FOXP2: variants seen among roughly 807,000 people sequenced by gnomAD.
FOXP2 encodes forkhead box P2.
In FOXP2, 12 loss-of-function variants were observed where a neutral mutation model predicts 115.8. The observed-to-expected ratio is 0.10, with a 90% CI of 0.07 to 0.17. FOXP2 has a LOEUF of 0.17. Among genes scored for constraint, FOXP2 ranks in the 10% least tolerant of loss-of-function variants. The pLI is 1.00. For missense variants in FOXP2, 629 were observed against 843.5 expected (o/e 0.75, Z 3.15); for synonymous variants, 328 against 297.7 (o/e 1.10, Z -1.05).
intron 2 of FOXP2, among the ~76,000 whole-genome samples, chr7:114,390,512 T>TTTTATTTATGTATTTATGTA (rs1562900167): frequency 7.5e-5 from 3 of 40,262 alleles, no homozygotes; most frequent in Non-Finnish European, 1.2e-4. Context: ...CATACTTTTG[T>TTTTATTTATGTATTTATGTA]TTTATTTATG....
chr7:114,103,702 C>T (rs1485519956), intron 1 of FOXP2, among the ~76,000 whole-genome samples: 3 of 151,938 alleles, frequency 2.0e-5, no homozygotes, highest in Non-Finnish European at 2.9e-5. Context: ...CTCTTTTTGA[C>T]AGGAGATTTG....
chr7:114,297,165 C>T (rs935267372), intron 2 of FOXP2: 6 of 489,614 alleles, frequency 1.2e-5, no homozygotes, highest in East Asian at 1.1e-4. Context: ...TTTCTCAGCT[C>T]CTCCTGCTTC....
At chr7:114,559,749 C>T (rs1302593426) in intron 3 of FOXP2, among the ~76,000 whole-genome samples, 1 of 151,996 alleles carries the variant, frequency 6.6e-6, no homozygotes, top group Non-Finnish European at 1.5e-5. Flanking sequence ...ATTAGCCAGG[C>T]GTGGTGGCCG....
intron 16 of FOXP2, among the ~76,000 whole-genome samples, chr7:114,688,208 T>TACACACAA (rs1808467988): frequency 3.5e-5 from 4 of 115,334 alleles, no homozygotes; most frequent in Admixed American, 9.5e-5. Flanking sequence ...CATACATGCA[T>TACACACAA]ACACACACAC....
intron 16 of FOXP2, among the ~76,000 whole-genome samples, chr7:114,687,490 G>T (rs77494194): frequency 6.6e-6 from 1 of 152,188 alleles, no homozygotes; most frequent in African/African-American, 2.4e-5. Flanking sequence ...TTAATATAGC[G>T]TAAAGTGACT....
At chr7:114,429,003 G>T (rs1253912786) in intron 2 of FOXP2, among the ~76,000 whole-genome samples, 1 of 151,500 alleles carries the variant, frequency 6.6e-6, no homozygotes, top group Non-Finnish European at 1.5e-5. Flanking sequence ...TATGATTTAA[G>T]AGGCAGTGAT....
chr7:114,331,629 A>G (rs941860624), intron 2 of FOXP2, among the ~76,000 whole-genome samples: 3 of 151,842 alleles, frequency 2.0e-5, no homozygotes, highest in Non-Finnish European at 4.4e-5. Context: ...CTTAACTAGA[A>G]TAAGTGCATG....
At chr7:114,148,924 T>C (rs754462208) in intron 1 of FOXP2, among the ~76,000 whole-genome samples, 2 of 152,172 alleles carry the variant, frequency 1.3e-5, no homozygotes, top group Non-Finnish European at 2.9e-5. Context: ...CTGTAGTTTC[T>C]CCAGTTCCTC....
rs904330767 is a variant in FOXP2 at position 114,495,733 on chromosome 7, C to T, written c.169-38884C>T. 2.0e-5 allele frequency among the ~76,000 whole-genome samples: 3 copies of T among 152,004 alleles called. No individual in the cohort carries two copies. The East Asian group carries it at 5.8e-4, about 29-fold the overall frequency. On this transcript the variant is annotated intron_variant, in intron 2 of 16. Coordinates refer to ENST00000350908, the MANE Select transcript of FOXP2 (RefSeq NM_014491.4). ...TGTTGGCCAGGCTGATCTTGAACTC[C>T]TGACCTCAGATGATCTGCCCGCCTC...
rs1793481650 is a variant in FOXP2 at position 114,182,450 on chromosome 7, G to T, written c.-102+19362G>T. Among the ~76,000 whole-genome samples, 3 of 151,990 alleles carry T rather than the reference G, an allele frequency of 2.0e-5. No homozygotes were observed. In the South Asian group the frequency reaches 6.2e-4, roughly 32 times the overall value. On this transcript the variant is annotated intron_variant, in intron 1 of 17. Transcript: ENST00000634411. ...TAATATTCTAACATTTAACTAGTAG[G>T]TGAGTTTAAATATCTGTGCACCTCT...
At chr7:114,478,600 G>T (rs972194787) in intron 2 of FOXP2, among the ~76,000 whole-genome samples, 3 of 151,740 alleles carry the variant, frequency 2.0e-5, no homozygotes, top group Admixed American at 6.6e-5. Flanking sequence ...TGATTCATGT[G>T]CTCTATGCTG....
At chr7:114,101,652 G>T (rs1188282312) in intron 1 of FOXP2, among the ~76,000 whole-genome samples, 1 of 147,088 alleles carries the variant, frequency 6.8e-6, no homozygotes, top group Non-Finnish European at 1.5e-5. Context: ...TCATTTTCTA[G>T]AATCCTTTTA....
intron 1 of FOXP2, among the ~76,000 whole-genome samples, chr7:114,421,336 T>C (rs561808082): frequency 6.6e-6 from 1 of 151,738 alleles, no homozygotes; most frequent in Non-Finnish European, 1.5e-5. Context: ...GATAAGTTTT[T>C]CATTGGCTTT....
intron 1 of FOXP2, among the ~76,000 whole-genome samples, chr7:114,415,772 G>T (rs1426302508): frequency 6.6e-6 from 1 of 151,936 alleles, no homozygotes; most frequent in Admixed American, 6.6e-5. Context: ...TTGACCACAC[G>T]TTTGGGTGCC....
intron 1 of FOXP2, among the ~76,000 whole-genome samples, chr7:114,129,099 G>A (rs1465936306): frequency 6.6e-6 from 1 of 152,094 alleles, no homozygotes; most frequent in African/African-American, 2.4e-5. Flanking sequence ...TTTCCATTCA[G>A]GAAAGTGAAG....
At chr7:114,405,886 C>T (rs1793024464) in intron 2 of FOXP2, among the ~76,000 whole-genome samples, 1 of 151,660 alleles carries the variant, frequency 6.6e-6, no homozygotes, top group African/African-American at 2.4e-5. Context: ...TCTTTTTAAT[C>T]ATGTGATACC....
chr7:114,566,174 A>G (rs1801009307), intron 3 of FOXP2, among the ~76,000 whole-genome samples: 1 of 152,132 alleles, frequency 6.6e-6, no homozygotes, highest in African/African-American at 2.4e-5. Flanking sequence ...CAAATCAACC[A>G]TTTGTTTTTG....
At chr7:114,677,037 G>A (rs752791357) in intron 16 of FOXP2, among the ~76,000 whole-genome samples, 2 of 151,876 alleles carry the variant, frequency 1.3e-5, no homozygotes, top group Non-Finnish European at 1.5e-5. Flanking sequence ...GTGGTTGCGC[G>A]CGCCTGTAGT....
chr7:114,686,476 A>G (rs1280258086), intron 16 of FOXP2, among the ~76,000 whole-genome samples: 1 of 152,174 alleles, frequency 6.6e-6, no homozygotes, highest in African/African-American at 2.4e-5. Context: ...CCTGGCCAAT[A>G]CTTAAGTCTT....
Sources: allele counts gnomAD v4.1 joint callset (sites outside exome capture counted in the v4.1 genomes callset), GRCh38; gene constraint gnomAD v4.1.1; transcripts MANE v1.5; gene names NCBI Gene and HGNC (gene_info 2026-07-23, HGNC 2026-07-21).